SNX27: variants seen among roughly 807,000 people sequenced by gnomAD.
SNX27 encodes sorting nexin-27.
Under a neutral mutation model 71.6 loss-of-function variants are expected in SNX27, and 22 were observed. That is an observed-to-expected ratio of 0.31 (90% CI 0.22 to 0.44). The LOEUF is 0.44. Among genes scored for constraint, SNX27 ranks in the 20% least tolerant of loss-of-function variants. The pLI, the probability that SNX27 is intolerant of heterozygous loss-of-function variation, is 1.00. For synonymous variants in SNX27, 269 were observed against 277.2 expected, an observed-to-expected ratio of 0.97 and a Z score of 0.29; for missense variants, 531 against 698.6, an observed-to-expected ratio of 0.76 and a Z score of 2.70.
chr1:151,668,509 C>A lies in SNX27; in HGVS notation c.1023C>A (p.Leu341=), dbSNP rs745843087. 1.2e-6 allele frequency: 2 copies of A among 1,613,688 alleles called. No homozygotes were observed. The highest frequency in any genetic ancestry group is 1.7e-6 in the Non-Finnish European group (2 of 1,179,866). Reference sequence around the variant, plus strand: ...CACCTAATGAGTTTCCTCACAAACTCTACATTCAGAATTATACATCAGCTG... The same window carrying A: ...CACCTAATGAGTTTCCTCACAAACTATACATTCAGAATTATACATCAGCTG... ...KLAPNEFPHK[L]YIQNYTSAVP... Residue 341 remains leucine, a synonymous_variant, in exon 7 of 12, where the codon CTC becomes CTA. Coordinates refer to ENST00000458013, the MANE Select transcript of SNX27 (RefSeq NM_001330723.2).
At position 151,658,417 on chromosome 1, in the gene SNX27, T is replaced by C. The variant is rs1669795244; in HGVS notation, c.726T>C (p.Tyr242=). The C allele has an allele frequency of 8.1e-6, 13 of 1,613,546 alleles. No homozygotes were observed. Among genetic ancestry groups the C allele is most frequent in the Non-Finnish European group, 9.3e-6 (11 of 1,179,806 alleles). ...CCCGACGTCGGGGATTGGAAGAATA[T>C]CTAGAAAAAGGTAATCCAAACCATC... ...LDARRRGLEE[Y]LEKVCSIRVI... is the part of the protein sequence containing the mutation. The change falls in exon 3 of 12, where the codon TAT becomes TAC. Residue 242 remains tyrosine, a synonymous_variant. Coordinates refer to ENST00000458013, the MANE Select transcript of SNX27 (RefSeq NM_001330723.2).
chr1:151,628,301 C>T (rs968775361), intron 1 of SNX27, among the ~76,000 whole-genome samples: 2 of 152,206 alleles, frequency 1.3e-5, no homozygotes, highest in Non-Finnish European at 2.9e-5. Flanking sequence ...GCCACTGCGT[C>T]CGACCTTTTC....
At chr1:151,672,952 A>AT (rs1029715766) in intron 7 of SNX27, among the ~76,000 whole-genome samples, 34 of 143,314 alleles carry the variant, frequency 2.4e-4, no homozygotes, top group African/African-American at 8.3e-4. Context: ...CTTTTTTTGT[A>AT]TTTTTTTATT....
chr1:151,686,000 A>G (rs1254309583), intron 8 of SNX27, among the ~76,000 whole-genome samples: 2 of 152,230 alleles, frequency 1.3e-5, no homozygotes, highest in Admixed American at 6.5e-5. Context: ...ATTGTCTTCT[A>G]TATATTAATG....
intron 1 of SNX27, among the ~76,000 whole-genome samples, chr1:151,632,453 G>A (rs1668284434): frequency 6.6e-6 from 1 of 152,202 alleles, no homozygotes; most frequent in African/African-American, 2.4e-5. Flanking sequence ...ACCGCACCTG[G>A]ACATGTTGCT....
At chr1:151,692,148 C>T (rs188054375) in intron 8 of SNX27, among the ~76,000 whole-genome samples, 2 of 152,098 alleles carry the variant, frequency 1.3e-5, no homozygotes, top group Non-Finnish European at 2.9e-5. Context: ...TGCTTGAGCC[C>T]TGGAGGTTGA....
At chr1:151,635,575 A>G (rs1313092755) in intron 1 of SNX27, among the ~76,000 whole-genome samples, 1 of 152,188 alleles carries the variant, frequency 6.6e-6, no homozygotes, top group African/African-American at 2.4e-5. Context: ...CATTTTTATG[A>G]CTGTGAAGAC....
At chr1:151,671,486 C>A (rs1174439588) in intron 7 of SNX27, among the ~76,000 whole-genome samples, 1 of 152,122 alleles carries the variant, frequency 6.6e-6, no homozygotes, top group African/African-American at 2.4e-5. Context: ...ATCCTCCTGC[C>A]TTAGCCTCCT....
chr1:151,680,836 A>T (rs6687866), intron 7 of SNX27, among the ~76,000 whole-genome samples: 1 of 151,968 alleles, frequency 6.6e-6, no homozygotes, highest in African/African-American at 2.4e-5. Flanking sequence ...TGGCTGGAGC[A>T]GTACAGTGTT....
At chr1:151,677,570 A>T (rs1330238412) in intron 7 of SNX27, 1 of 152,084 alleles carries the variant, frequency 6.6e-6, no homozygotes, top group East Asian at 1.9e-4. Context: ...TTTTAAATGT[A>T]TTTTTTATTT....
At chr1:151,666,107 C>T in intron 6 of SNX27, 96 bp downstream of exon 6, 1 of 860,818 alleles carries the variant, frequency 1.2e-6, no homozygotes, top group Middle Eastern at 2.6e-4. Flanking sequence ...GGAGATCCCA[C>T]TCATTAGAAC....
At chr1:151,623,375 C>T (rs576742771) in intron 1 of SNX27, among the ~76,000 whole-genome samples, 4 of 152,160 alleles carry the variant, frequency 2.6e-5, no homozygotes, top group East Asian at 1.9e-4. Flanking sequence ...CTTCTGACCT[C>T]GTGATCCGCC....
intron 2 of SNX27, among the ~76,000 whole-genome samples, chr1:151,655,057 G>T (rs941761970): frequency 6.6e-6 from 1 of 151,962 alleles, no homozygotes; most frequent in African/African-American, 2.4e-5. Context: ...TATTGTGAAT[G>T]CAGTGTGATT....
chr1:151,693,090 T>A, intron 10 of SNX27, 51 bp downstream of exon 10: 1 of 1,594,272 alleles, frequency 6.3e-7, no homozygotes, highest in Non-Finnish European at 8.5e-7. Context: ...TTTTTTGTTT[T>A]TTTTTTCAGC....
At position 151,612,331 on chromosome 1, in the gene SNX27, G is replaced by C. The variant is rs747108673; in HGVS notation, c.130G>C (p.Val44Leu). ...GGGGGGGPRV[V>L]RIVKSESGYG... ...CGGGGGAGGCGGCGGCCCGCGGGTC[G>C]TGCGCATCGTCAAGTCCGAGTCCGG... The change falls in exon 1 of 12, where the codon GTG (valine) becomes CTG (leucine). Residue 44 changes from valine (V) to leucine (L), a missense_variant. By Grantham distance (32) the Val-to-Leu change is conservative (BLOSUM62 1). This residue lies in a region of SNX27 where 130 missense variants were observed against 143.5 expected (regional missense o/e 0.91). Transcript: ENST00000458013. The surrounding 1 kb of genome is among the most constrained non-coding windows in gnomAD (Gnocchi z 5.2). 34 of 1,533,536 alleles carry C rather than the reference G, an allele frequency of 2.2e-5. No homozygotes were observed. The highest frequency in any genetic ancestry group is 4.9e-5 in the South Asian group (4 of 82,098). The allele number at this position is 1,533,536 out of a possible 1,614,324, so 95.0% of individuals were successfully genotyped here. A position where few individuals can be genotyped will look rare whatever the true frequency, so the allele number is the denominator to read the frequency against.
intron 8 of SNX27, among the ~76,000 whole-genome samples, chr1:151,686,111 CAG>C (rs1367006332): frequency 2.0e-5 from 3 of 152,196 alleles, no homozygotes; most frequent in African/African-American, 4.8e-5. Flanking sequence ...CTAAAGCCAA[CAG>C]AGTTTTCTTG....
intron 2 of SNX27, among the ~76,000 whole-genome samples, chr1:151,650,134 C>T (rs1254212012): frequency 6.6e-6 from 1 of 152,038 alleles, no homozygotes; most frequent in Non-Finnish European, 1.5e-5. Flanking sequence ...GTGATCTGCC[C>T]ACTTCAGCCT....
rs1418208656 is a variant in SNX27, at chr1:151,652,236, G to GGGAGAC, written c.544-5994_544-5993insCGGAGA. 3.9e-3 allele frequency among the ~76,000 whole-genome samples: 569 copies of GGGAGAC among 144,862 alleles called. 2 individuals are homozygous for GGGAGAC. The highest frequency in any genetic ancestry group is 7.2e-3 in the Non-Finnish European group (467 of 64,972). Reference sequence around the variant, plus strand: ...AGGGAGAGGGAGAGGGAGAGGGAGAGGGAGAGGGAGACGGAGAGGGAGAGG... The same window carrying GGGAGAC: ...AGGGAGAGGGAGAGGGAGAGGGAGAGGGAGACGGAGAGGGAGACGGAGAGGGAGAGG... On this transcript the variant is annotated intron_variant, in intron 2 of 11. Coordinates refer to ENST00000458013, the MANE Select transcript of SNX27 (RefSeq NM_001330723.2).
At chr1:151,674,740 G>A (rs573096856) in intron 7 of SNX27, among the ~76,000 whole-genome samples, 15 of 151,880 alleles carry the variant, frequency 9.9e-5, no homozygotes, top group Non-Finnish European at 1.9e-4. Context: ...AGGCTAGAGG[G>A]CAATGGCGCG....
Sources: gnomAD v4.1 joint callset for allele counts (sites outside exome capture counted in the v4.1 genomes callset) on GRCh38, gnomAD v4.1.1 for gene constraint, gnomAD v4.1.1 regional missense constraint, Gnocchi (gnomAD v3.1) non-coding constraint, MANE v1.5 for transcripts, NCBI Gene and HGNC (gene_info 2026-07-23, HGNC 2026-07-21) for gene names.